The following FARS2 variants were observed in gnomAD, a reference collection of about 807,000 sequenced individuals.
FARS2 encodes the protein phenylalanyl-tRNA synthetase 2, mitochondrial.
A neutral mutation model predicts 46.4 loss-of-function variants in FARS2; 40 were observed. The ratio of observed to expected loss-of-function variants is 0.86; its 90% CI spans 0.67 to 1.12. The LOEUF is 1.12. Among genes scored for constraint, FARS2 ranks in the 50% most tolerant of loss-of-function variants. FARS2 has a pLI of 0.00. For missense variants in FARS2, 513 were observed against 567.9 expected (o/e 0.90, Z 0.98); for synonymous variants, 234 against 214.9 (o/e 1.09, Z -0.78).
At chr6:5,550,429 C>CA (rs1169307813) in intron 5 of FARS2, among the ~76,000 whole-genome samples, 1 of 152,082 alleles carries the variant, frequency 6.6e-6, no homozygotes, top group Non-Finnish European at 1.5e-5. Flanking sequence ...CACGCCCAGC[C>CA]AATTTTTTGT....
chr6:5,622,833 G>A (rs921834820), intron 6 of FARS2, among the ~76,000 whole-genome samples: 1 of 152,206 alleles, frequency 6.6e-6, no homozygotes, highest in Non-Finnish European at 1.5e-5. Flanking sequence ...AACAGATTAA[G>A]ACAATAGCTC....
chr6:5,441,203 T>G (rs1763825556), intron 4 of FARS2, among the ~76,000 whole-genome samples: 1 of 152,062 alleles, frequency 6.6e-6, no homozygotes, highest in Admixed American at 6.5e-5. Flanking sequence ...ATTACAGGCA[T>G]GAGCCACTGC....
At chr6:5,527,386 A>G (rs1461614559) in intron 4 of FARS2, among the ~76,000 whole-genome samples, 1 of 152,202 alleles carries the variant, frequency 6.6e-6, no homozygotes, top group East Asian at 1.9e-4. Flanking sequence ...CGAAAGACTT[A>G]TTTTTACTGT....
At chr6:5,275,948 G>C (rs906694868) in intron 1 of FARS2, among the ~76,000 whole-genome samples, 1 of 152,110 alleles carries the variant, frequency 6.6e-6, no homozygotes, top group Non-Finnish European at 1.5e-5. Flanking sequence ...TTGAAGTTAA[G>C]AGCCCCTAGT....
chr6:5,734,881 T>C (rs1397741982), intron 6 of FARS2, among the ~76,000 whole-genome samples: 2 of 151,990 alleles, frequency 1.3e-5, no homozygotes, highest in African/African-American at 4.8e-5. Context: ...AAACTGTGTC[T>C]GTCACACAGA....
At chr6:5,623,755 C>T (rs754426973) in intron 6 of FARS2, among the ~76,000 whole-genome samples, 12 of 151,834 alleles carry the variant, frequency 7.9e-5, no homozygotes, top group East Asian at 7.7e-4. Flanking sequence ...AAAGTGGCAT[C>T]GATGCTGGTC....
chr6:5,393,590 G>A (rs1239994102), intron 2 of FARS2, among the ~76,000 whole-genome samples: 1 of 152,146 alleles, frequency 6.6e-6, no homozygotes, highest in Admixed American at 6.5e-5. Flanking sequence ...CCCGGAGGCG[G>A]AGGTTGCAGT....
intron 5 of FARS2, chr6:5,609,438 C>G: frequency 8.3e-7 from 1 of 1,200,538 alleles, no homozygotes; most frequent in Non-Finnish European, 1.2e-6. Flanking sequence ...AAAATAGCTT[C>G]CATCATTACC....
At chr6:5,573,413 C>T (rs1019175651) in intron 5 of FARS2, among the ~76,000 whole-genome samples, 8 of 152,320 alleles carry the variant, frequency 5.3e-5, no homozygotes, top group South Asian at 2.1e-4. Context: ...CACACACACG[C>T]GTGCGTGCAT....
At chr6:5,430,950 T>C (rs1285536406) in intron 3 of FARS2, 91 bp from the exon 4 acceptor site, 1 of 1,242,494 alleles carries the variant, frequency 8.0e-7, no homozygotes, top group Non-Finnish European at 1.1e-6. Flanking sequence ...AATGTAGTAA[T>C]TGGTGTCATT....
At chr6:5,669,204 G>T (rs556547315) in intron 6 of FARS2, among the ~76,000 whole-genome samples, 1 of 152,132 alleles carries the variant, frequency 6.6e-6, no homozygotes, top group Non-Finnish European at 1.5e-5. Flanking sequence ...TCCTTGACAC[G>T]GAGCAGACGT....
intron 6 of FARS2, among the ~76,000 whole-genome samples, chr6:5,691,443 C>T (rs1475158462): frequency 6.6e-6 from 1 of 152,198 alleles, no homozygotes; most frequent in East Asian, 1.9e-4. Context: ...TTGGAGTTTG[C>T]TGGAGGTCCA....
Position 5,539,396 on chromosome 6 carries a change from A to ATATATATATATATATATATATG in FARS2, c.905-5781_905-5780insATATATATATATATATATGTAT, listed in dbSNP as rs1024662143. Reference sequence around the variant, plus strand: ...TAATTTTTTTTGTGTATATATATATATATGTATATATTTTTTTAGTAGAGA... The same window carrying ATATATATATATATATATATATG: ...TAATTTTTTTTGTGTATATATATATATATATATATATATATATATATGTATGTATATATTTTTTTAGTAGAGA... On this transcript the variant is annotated intron_variant, in intron 4 of 6. Transcript: ENST00000274680. Among the ~76,000 whole-genome samples, 431 of 136,434 alleles carry ATATATATATATATATATATATG rather than the reference A, an allele frequency of 3.2e-3. 15 individuals are homozygous for ATATATATATATATATATATATG. Among genetic ancestry groups the ATATATATATATATATATATATG allele is most frequent in the African/African-American group, 0.012 (400 of 33,724 alleles). The allele number at this position is 136,434 out of a possible 152,430, so 89.5% of individuals were successfully genotyped here.
chr6:5,327,992 G>T (rs1232565056), intron 1 of FARS2, among the ~76,000 whole-genome samples: 1 of 152,166 alleles, frequency 6.6e-6, no homozygotes, highest in Non-Finnish European at 1.5e-5. Flanking sequence ...ACCCTTTGGG[G>T]AAATTTTACC....
chr6:5,364,057 C>T (rs9405828), intron 1 of FARS2, among the ~76,000 whole-genome samples: 34,325 of 152,052 alleles, frequency 0.23, 4,780 homozygotes, highest in Non-Finnish European at 0.29. Flanking sequence ...ATGATCTGAA[C>T]AAACAACAAA....
chr6:5,293,242 GT>G (rs1299345462), intron 1 of FARS2, among the ~76,000 whole-genome samples: 1 of 152,204 alleles, frequency 6.6e-6, no homozygotes, highest in Non-Finnish European at 1.5e-5. Context: ...GAAAGAGGGG[GT>G]TGTAGCTATG....
chr6:5,590,761 T>C (rs950005160), intron 5 of FARS2, among the ~76,000 whole-genome samples: 1 of 152,236 alleles, frequency 6.6e-6, no homozygotes, highest in Admixed American at 6.5e-5. Flanking sequence ...TTTGCTCCAT[T>C]TTTGCATTTG....
chr6:5,365,317 CTTTTTTTTTTTT>C (rs61097603), intron 1 of FARS2, among the ~76,000 whole-genome samples: 8 of 42,496 alleles, frequency 1.9e-4, no homozygotes, highest in Admixed American at 3.3e-4. Flanking sequence ...AGTATACTTT[CTTTTTTTTTTTT>C]TTTTTTTTTT....
chr6:5,694,058 A>G (rs1033147407), intron 6 of FARS2, among the ~76,000 whole-genome samples: 5 of 152,354 alleles, frequency 3.3e-5, no homozygotes, highest in Admixed American at 1.3e-4. Flanking sequence ...CTGGAAGATC[A>G]TGTAAGTTGG....
Sources: gnomAD v4.1 joint callset for allele counts (sites outside exome capture counted in the v4.1 genomes callset) on GRCh38, gnomAD v4.1.1 for gene constraint, MANE v1.5 for transcripts, NCBI Gene and HGNC (gene_info 2026-07-23, HGNC 2026-07-21) for gene names.